Variants in ANKFY1 observed in about 807,000 individuals in gnomAD.
ANKFY1 encodes ankyrin repeat and FYVE domain containing 1, also known as ankyrin repeat and FYVE domain-containing protein 1.
A neutral mutation model predicts 128.3 loss-of-function variants in ANKFY1; 47 were observed. That is an observed-to-expected ratio of 0.37 (90% CI 0.29 to 0.47). The LOEUF (loss-of-function observed/expected upper bound fraction) is 0.47. ANKFY1 is among the 20% of genes least tolerant of loss of function. The pLI is 1.00. For synonymous variants in ANKFY1, 553 were observed against 601.6 expected, an observed-to-expected ratio of 0.92 and a Z score of 1.18; for missense variants, 1,222 against 1,510.6, an observed-to-expected ratio of 0.81 and a Z score of 3.17.
At position 4,193,781 on chromosome 17, in the gene ANKFY1, A is replaced by G. The variant is rs112057125; in HGVS notation, c.1372+1197T>C. Among the ~76,000 whole-genome samples, 1,282 of 147,686 alleles carry G rather than the reference A, an allele frequency of 8.7e-3. 15 individuals are homozygous for G. Among genetic ancestry groups the G allele is most frequent in the African/African-American group, 0.031 (1,242 of 40,078 alleles). ...ATTAATTAATTTACTTATTTTTGAGATGGAGTCTTGCTCTGTTGCCCAGGC... is the reference window on the plus strand; with the variant it reads ...ATTAATTAATTTACTTATTTTTGAGGTGGAGTCTTGCTCTGTTGCCCAGGC... On this transcript the variant is annotated intron_variant, in intron 10 of 24. Coordinates refer to ENST00000341657, the MANE Select transcript of ANKFY1 (RefSeq NM_001330063.2).
chr17:4,167,891 A>G lies in ANKFY1; in HGVS notation c.3398T>C (p.Leu1133Pro). Residue 1133 changes from leucine to proline, a missense_variant, in exon 25 of 25, where the codon CTT (leucine) becomes CCT (proline). Coordinates refer to ENST00000341657, the MANE Select transcript of ANKFY1 (RefSeq NM_001330063.2). The surrounding 1 kb of genome is among the most constrained non-coding windows in gnomAD (Gnocchi z 4.1). ...CTCCTTGGTCGAGCATTTATGGCAA[A>G]GAAGACGTCCGCAGTGACGACTGTG... The part of the protein sequence containing the change: ...KHHCRHCGRL[L>P]CHKCSTKEIP... The G allele has an allele frequency of 6.2e-7, 1 of 1,614,056 alleles. No individual in the cohort carries two copies. The highest frequency in any genetic ancestry group is 8.5e-7 in the Non-Finnish European group (1 of 1,179,958).
intron 3 of ANKFY1, chr17:4,222,303 G>C: frequency 1.4e-6 from 1 of 693,762 alleles, no homozygotes. Context: ...AGGTGCACCG[G>C]CTGATCGGTC....
intron 3 of ANKFY1, chr17:4,222,992 G>A (rs1274137385): frequency 3.4e-5 from 31 of 922,838 alleles, no homozygotes; most frequent in Non-Finnish European, 5.1e-5. Flanking sequence ...CCAAGGTGAA[G>A]GATATAGCAA....
In ANKFY1 at chr17:4,206,423, G is replaced by C. The variant is rs148775264; in HGVS notation, c.796C>G (p.Arg266Gly). ...GDLALDLALSRRLESIATTLV... is the reference protein window; with the variant it reads ...GDLALDLALSGRLESIATTLV... ...GTGGTGGCAATACTCTCCAGTCGTCGTGAGAGGGCTAGATCTAATGCCAGA... is the reference window on the plus strand; with the variant it reads ...GTGGTGGCAATACTCTCCAGTCGTCCTGAGAGGGCTAGATCTAATGCCAGA... The change falls in exon 7 of 25, where the codon CGA becomes GGA. Residue 266 changes from arginine to glycine, a missense_variant. Coordinates refer to ENST00000341657, the MANE Select transcript of ANKFY1 (RefSeq NM_001330063.2). 6 of 1,614,042 alleles carry C rather than the reference G, an allele frequency of 3.7e-6. No homozygotes were observed. Among genetic ancestry groups the C allele is most frequent in the Non-Finnish European group, 4.2e-6 (5 of 1,180,020 alleles).
chr17:4,240,095 C>T (rs1967126132), intron 2 of ANKFY1, among the ~76,000 whole-genome samples: 1 of 145,672 alleles, frequency 6.9e-6, no homozygotes, highest in African/African-American at 2.6e-5. Flanking sequence ...GACAGGGTCT[C>T]GCCCTGTTGC....
intron 1 of ANKFY1, chr17:4,263,477 CA>C: frequency 5.0e-5 from 41 of 825,102 alleles, no homozygotes; most frequent in East Asian, 8.4e-5. Flanking sequence ...CACCCCACCC[CA>C]CCTCACCCCA....
At position 4,195,484 on chromosome 17, in the gene ANKFY1, AAAG is replaced by A. The variant is rs774566442; in HGVS notation, c.1104-16_1104-14del. On this transcript the variant is annotated splice_polypyrimidine_tract_variant and intron_variant, in intron 8 of 24. Coordinates refer to ENST00000341657, the MANE Select transcript of ANKFY1 (RefSeq NM_001330063.2). Reference sequence around the variant, plus strand: ...ATGTAAAGGAGTCCTGCGGGATCCAAAAGAAGAGGGGTCAGTTCAGGACAGGCC... The same window carrying A: ...ATGTAAAGGAGTCCTGCGGGATCCAAAAGAGGGGTCAGTTCAGGACAGGCC... The A allele has an allele frequency of 4.3e-6, 7 of 1,612,840 alleles. No individual in the cohort carries two copies. Among genetic ancestry groups the A allele is most frequent in the Non-Finnish European group, 5.9e-6 (7 of 1,179,030 alleles).
chr17:4,192,352 T>G (rs972396738), intron 10 of ANKFY1, among the ~76,000 whole-genome samples: 2 of 149,156 alleles, frequency 1.3e-5, no homozygotes, highest in African/African-American at 5.0e-5. Context: ...ATCTGGAGAC[T>G]CCTAGTTGAT....
At chr17:4,245,499 T>C (rs868440932) in intron 1 of ANKFY1, among the ~76,000 whole-genome samples, 11 of 146,852 alleles carry the variant, frequency 7.5e-5, no homozygotes, top group South Asian at 4.1e-4. Context: ...CCATCACACC[T>C]GGCTATAAAT....
intron 6 of ANKFY1, among the ~76,000 whole-genome samples, chr17:4,206,912 G>A (rs534398290): frequency 3.7e-4 from 57 of 152,168 alleles, no homozygotes; most frequent in Middle Eastern, 3.4e-3. Context: ...AACATACTTC[G>A]CTCCCATCTG....
rs1044875189 is a variant in ANKFY1 at position 4,215,162 on chromosome 17, G to A, written c.458+1821C>T. ...AAATTAGCTGGGCGTGGTGGCAGTC[G>A]TCTGTAATCCCAGCTACTCAGGAGG... On this transcript the variant is annotated intron_variant, in intron 4 of 24. Transcript: ENST00000341657. 2.2e-4 allele frequency among the ~76,000 whole-genome samples: 34 copies of A among 151,850 alleles called. 1 individual carries two copies. The highest frequency in any genetic ancestry group is 5.8e-4 in the African/African-American group (24 of 41,432).
At chr17:4,189,618 C>T (rs532684638) in intron 10 of ANKFY1, 139 bp from the exon 11 acceptor site, 136 of 742,670 alleles carry the variant, frequency 1.8e-4, no homozygotes, top group African/African-American at 1.5e-3. Context: ...AGTAGGCCCA[C>T]GCCAGACAGT....
Position 4,169,072 on chromosome 17 carries a change from T to C in ANKFY1, c.3377+126A>G. ...TGGGTGTGCTCATCTCATCCCTCCA[T>C]TTGGTCAAGGTTTGCCCATCAATGT... On this transcript the variant is annotated intron_variant, in intron 24 of 24. Coordinates refer to ENST00000341657, the MANE Select transcript of ANKFY1 (RefSeq NM_001330063.2). This position sits in a 1 kb window ranked among gnomAD's most constrained non-coding sequence, Gnocchi z 5.0. 6.2e-6 allele frequency: 5 copies of C among 809,902 alleles called. No homozygotes were observed. The highest frequency in any genetic ancestry group is 1.0e-5 in the Non-Finnish European group (5 of 495,954). 50.2% of individuals were successfully genotyped at this position (809,902 alleles called of 1,614,324 possible).
intron 1 of ANKFY1, among the ~76,000 whole-genome samples, chr17:4,260,229 G>A (rs543124253): frequency 2.6e-4 from 40 of 152,162 alleles, no homozygotes; most frequent in Admixed American, 7.9e-4. Flanking sequence ...GGGAACACTA[G>A]AAACTGTGAA....
intron 3 of ANKFY1, among the ~76,000 whole-genome samples, chr17:4,225,182 C>G (rs1468160705): frequency 6.6e-6 from 1 of 151,994 alleles, no homozygotes; most frequent in African/African-American, 2.4e-5. Flanking sequence ...TATGGCAAAA[C>G]CCCCTCTCTA....
chr17:4,222,043 T>G (rs1278841562), intron 3 of ANKFY1: 1 of 152,024 alleles, frequency 6.6e-6, no homozygotes, highest in East Asian at 1.9e-4. Flanking sequence ...GCTAGCGGCT[T>G]GATGAATTGG....
intron 12 of ANKFY1, among the ~76,000 whole-genome samples, chr17:4,184,198 G>A (rs186670248): frequency 1.6e-4 from 25 of 152,206 alleles, no homozygotes; most frequent in Admixed American, 1.3e-3. Context: ...CTAAAACAAC[G>A]CCCTGATGAT....
chr17:4,186,980 AT>A, intron 11 of ANKFY1: 1 of 1,204,030 alleles, frequency 8.3e-7, no homozygotes, highest in South Asian at 4.3e-5. Flanking sequence ...CTGTTTTTCC[AT>A]GGGTTCGCCG....
chr17:4,260,011 C>T (rs1005731566), intron 1 of ANKFY1, among the ~76,000 whole-genome samples: 4 of 152,090 alleles, frequency 2.6e-5, no homozygotes, highest in Non-Finnish European at 5.9e-5. Flanking sequence ...CGGGCACACA[C>T]AAAGAACGCA....
Sources: gnomAD v4.1 joint callset for allele counts (sites outside exome capture counted in the v4.1 genomes callset) on GRCh38, gnomAD v4.1.1 for gene constraint, Gnocchi (gnomAD v3.1) non-coding constraint, MANE v1.5 for transcripts, NCBI Gene and HGNC (gene_info 2026-07-23, HGNC 2026-07-21) for gene names.